Variants in EPHB2 observed in about 807,000 individuals in gnomAD.
EPHB2 encodes the protein EPH receptor B2.
In EPHB2, 18 loss-of-function variants were observed where a neutral mutation model predicts 96.4. The observed-to-expected ratio is 0.19, with a 90% CI of 0.13 to 0.28. EPHB2 has a LOEUF of 0.28. Among genes scored for constraint, EPHB2 ranks in the 10% least tolerant of loss-of-function variants. EPHB2 has a pLI of 1.00. For missense variants in EPHB2, 989 were observed against 1,355.4 expected, an observed-to-expected ratio of 0.73 and a Z score of 4.25; for synonymous variants, 506 against 534.1, an observed-to-expected ratio of 0.95 and a Z score of 0.72.
chr1:22,764,208 T>C (rs1490852364), intron 1 of EPHB2, among the ~76,000 whole-genome samples: 1 of 152,144 alleles, frequency 6.6e-6, no homozygotes, highest in Admixed American at 6.5e-5. Flanking sequence ...CTGATGTTGA[T>C]AATAACAATA....
At chr1:22,812,346 C>T (rs1284600466) in intron 3 of EPHB2, among the ~76,000 whole-genome samples, 5 of 152,350 alleles carry the variant, frequency 3.3e-5, no homozygotes, top group African/African-American at 1.2e-4. Flanking sequence ...ATGAGGCTTC[C>T]ACTCGGAGTG....
chr1:22,740,939 T>A (rs1643894217), intron 1 of EPHB2, among the ~76,000 whole-genome samples: 1 of 152,130 alleles, frequency 6.6e-6, no homozygotes, highest in South Asian at 2.1e-4. Context: ...AAGTTCTTGG[T>A]GTCCAGTGGT....
Position 22,846,725 on chromosome 1 carries a change from C to T in EPHB2, c.812-16312C>T, listed in dbSNP as rs948711638. On this transcript the variant is annotated intron_variant, in intron 3 of 15. Coordinates refer to ENST00000374630, the MANE Select transcript of EPHB2 (RefSeq NM_017449.5). The surrounding 1 kb of genome is among the most constrained non-coding windows in gnomAD (Gnocchi z 4.3). ...TCCGCCCACGCTGCTCCCTCAGCCT[C>T]GCATGCTTCTCCTTTCTTGCTTTTG... Among the ~76,000 whole-genome samples the T allele has an allele frequency of 6.6e-6, 1 of 152,214 alleles. No individual in the cohort carries two copies.
At chr1:22,803,979 G>A (rs1275782840) in intron 3 of EPHB2, among the ~76,000 whole-genome samples, 1 of 152,078 alleles carries the variant, frequency 6.6e-6, no homozygotes, top group Non-Finnish European at 1.5e-5. Flanking sequence ...GCCAACCTTA[G>A]AGATCTGGAA....
At chr1:22,711,279 C>G (rs1643132517) in intron 1 of EPHB2, among the ~76,000 whole-genome samples, 1 of 147,506 alleles carries the variant, frequency 6.8e-6, no homozygotes, top group East Asian at 2.0e-4. Flanking sequence ...ACCATCTTGC[C>G]GAGGCTTTGT....
intron 3 of EPHB2, among the ~76,000 whole-genome samples, chr1:22,814,868 G>A (rs1026323086): frequency 2.6e-5 from 4 of 152,212 alleles, no homozygotes; most frequent in Non-Finnish European, 4.4e-5. Context: ...ACAAATGCAC[G>A]CCGGCTCATC....
At chr1:22,810,965 T>C (rs1365413315) in intron 3 of EPHB2, among the ~76,000 whole-genome samples, 3 of 152,134 alleles carry the variant, frequency 2.0e-5, no homozygotes, top group African/African-American at 7.2e-5. Flanking sequence ...TAAAACACCC[T>C]GTTCCCTGCC....
chr1:22,788,459 C>T (rs1384118260), intron 3 of EPHB2, among the ~76,000 whole-genome samples: 1 of 152,226 alleles, frequency 6.6e-6, no homozygotes, highest in Non-Finnish European at 1.5e-5. Context: ...CTGCTGTCAC[C>T]CAGATGTGAG....
intron 7 of EPHB2, 115 bp from the exon 8 acceptor site, chr1:22,895,357 C>A (rs2148570133): frequency 2.2e-6 from 2 of 923,814 alleles, no homozygotes; most frequent in Non-Finnish European, 3.5e-6. Context: ...CTGTCAGGGG[C>A]AGGAACAGAG....
At chr1:22,718,850 G>A (rs925807424) in intron 1 of EPHB2, among the ~76,000 whole-genome samples, 1 of 152,102 alleles carries the variant, frequency 6.6e-6, no homozygotes, top group Non-Finnish European at 1.5e-5. Flanking sequence ...CCTAGGGAGT[G>A]GTGAGGCAGC....
At chr1:22,740,700 A>G (rs1016927580) in intron 1 of EPHB2, among the ~76,000 whole-genome samples, 6 of 150,180 alleles carry the variant, frequency 4.0e-5, no homozygotes, top group Admixed American at 3.3e-4. Context: ...CCCTGCCTTT[A>G]CTCCCACTCT....
At chr1:22,802,276 G>A (rs1056152894) in intron 3 of EPHB2, among the ~76,000 whole-genome samples, 2 of 152,144 alleles carry the variant, frequency 1.3e-5, no homozygotes, top group African/African-American at 4.8e-5. Context: ...TGGCAGCCAA[G>A]CTCAGCTGTG....
intron 5 of EPHB2, among the ~76,000 whole-genome samples, chr1:22,880,944 T>C (rs1006935502): frequency 6.6e-6 from 1 of 152,206 alleles, no homozygotes; most frequent in Non-Finnish European, 1.5e-5. Context: ...CCCCCTCTCT[T>C]GACCTCAGTT....
At chr1:22,805,305 C>T (rs997090340) in intron 3 of EPHB2, among the ~76,000 whole-genome samples, 2 of 152,054 alleles carry the variant, frequency 1.3e-5, no homozygotes, top group Non-Finnish European at 2.9e-5. Flanking sequence ...CTGAGCCGTA[C>T]GCAGTCTCTC....
intron 6 of EPHB2, among the ~76,000 whole-genome samples, chr1:22,892,091 C>A (rs1298732237): frequency 6.6e-6 from 1 of 152,028 alleles, no homozygotes; most frequent in Non-Finnish European, 1.5e-5. Flanking sequence ...GCCACCGTAT[C>A]CAGCCTGGTT....
chr1:22,826,874 T>C (rs1189223346), intron 3 of EPHB2, among the ~76,000 whole-genome samples: 1 of 152,250 alleles, frequency 6.6e-6, no homozygotes, highest in African/African-American at 2.4e-5. Context: ...TCTGGCTCAC[T>C]GTGTCCCCGT....
At chr1:22,806,538 A>G (rs939309835) in intron 3 of EPHB2, among the ~76,000 whole-genome samples, 3 of 151,780 alleles carry the variant, frequency 2.0e-5, no homozygotes, top group African/African-American at 7.3e-5. Flanking sequence ...TGGATGGGAA[A>G]GGAGTTCACC....
intron 3 of EPHB2, among the ~76,000 whole-genome samples, chr1:22,796,687 C>T (rs1644771136): frequency 6.6e-6 from 1 of 152,208 alleles, no homozygotes; most frequent in African/African-American, 2.4e-5. Context: ...CAGGGTCTGA[C>T]GCCTGACTCT....
intron 1 of EPHB2, among the ~76,000 whole-genome samples, chr1:22,762,050 G>A (rs548829156): frequency 1.5e-4 from 23 of 152,340 alleles, no homozygotes; most frequent in South Asian, 6.2e-4. Context: ...TTGGGATTCC[G>A]AGCGGGGCTC....
Sources: allele counts gnomAD v4.1 joint callset (sites outside exome capture counted in the v4.1 genomes callset), GRCh38; gene constraint gnomAD v4.1.1; non-coding constraint Gnocchi (gnomAD v3.1); transcripts MANE v1.5; gene names NCBI Gene and HGNC (gene_info 2026-07-23, HGNC 2026-07-21).